PLD1: variants seen among roughly 807,000 people sequenced by gnomAD.
PLD1 encodes the protein phospholipase D1, also known as choline phosphatase 1.
A neutral mutation model predicts 137.1 loss-of-function variants in PLD1; 112 were observed. The ratio of observed to expected loss-of-function variants is 0.82; its 90% CI spans 0.70 to 0.96. The LOEUF (loss-of-function observed/expected upper bound fraction) is 0.96. Ranked by LOEUF, PLD1 falls within the 40% of genes least tolerant of loss-of-function variation. PLD1 has a pLI of 0.00. For synonymous variants in PLD1, 431 were observed against 454.7 expected (o/e 0.95, Z 0.66); for missense variants, 1,321 against 1,342.0 (o/e 0.98, Z 0.24).
chr3:171,624,492 C>T, intron 23 of PLD1, among the ~76,000 whole-genome samples: 1 of 151,988 alleles, frequency 6.6e-6, no homozygotes, highest in East Asian at 1.9e-4. Flanking sequence ...TATGTGTTTA[C>T]CTCCTGACTC....
At chr3:171,784,948 A>G (rs763896349) in intron 1 of PLD1, among the ~76,000 whole-genome samples, 12 of 152,242 alleles carry the variant, frequency 7.9e-5, no homozygotes, top group Admixed American at 1.3e-4. Flanking sequence ...AGCTAATAAC[A>G]TACAAATACA....
At chr3:171,625,735 C>A (rs1734047399) in intron 23 of PLD1, among the ~76,000 whole-genome samples, 1 of 152,198 alleles carries the variant, frequency 6.6e-6, no homozygotes, top group Admixed American at 6.5e-5. Flanking sequence ...GGTACCCAGG[C>A]AAACAGGGTC....
chr3:171,642,893 A>G lies in PLD1; in HGVS notation c.2544-4T>C. The G allele has an allele frequency of 1.3e-6, 2 of 1,554,902 alleles. No homozygotes were observed. The highest frequency in any genetic ancestry group is 1.1e-5 in the South Asian group (1 of 88,146). ...ATTTTCTCCTCTGCACATGGTTCTG[A>G]AAATATGTAAAGGAGAAAATAATTA... On this transcript the variant is annotated splice_polypyrimidine_tract_variant and splice_region_variant and intron_variant, in intron 22 of 26. Transcript: ENST00000351298.
chr3:171,654,005 C>T, intron 21 of PLD1: 1 of 290,406 alleles, frequency 3.4e-6, no homozygotes, highest in Non-Finnish European at 6.8e-6. Context: ...ATACCACCCA[C>T]TTACAGGCAA....
At chr3:171,780,771 G>A (rs1456042566) in intron 1 of PLD1, among the ~76,000 whole-genome samples, 1 of 152,102 alleles carries the variant, frequency 6.6e-6, no homozygotes, top group East Asian at 1.9e-4. Flanking sequence ...CTAAAAAGTG[G>A]GCTCAAATGA....
At position 171,686,063 on chromosome 3, in the gene PLD1, G is replaced by A. The variant is rs368918926; in HGVS notation, c.1867+622C>T. The stretch of plus-strand genomic sequence containing the variant: ...CGCTAAAACCTGGGAGGCGGAGGGT[G>A]CAGTGAGCCAAGACGGCCCTACTGC... On this transcript the variant is annotated intron_variant, in intron 16 of 26. Transcript: ENST00000351298. Among the ~76,000 whole-genome samples the A allele has an allele frequency of 3.3e-5, 5 of 149,636 alleles. No individual in the cohort carries two copies. The East Asian group carries it at 5.9e-4, about 18-fold the overall frequency.
chr3:171,754,807 T>C (rs758402213), intron 1 of PLD1, among the ~76,000 whole-genome samples: 34 of 152,224 alleles, frequency 2.2e-4, no homozygotes, highest in Non-Finnish European at 4.6e-4. Context: ...GTAGGGCTTA[T>C]GACAAAATGA....
chr3:171,641,775 C>G (rs1232521725), intron 23 of PLD1, among the ~76,000 whole-genome samples: 1 of 152,122 alleles, frequency 6.6e-6, no homozygotes, highest in Non-Finnish European at 1.5e-5. Context: ...GCACCTTTGT[C>G]TCTTGCTTGC....
intron 1 of PLD1, among the ~76,000 whole-genome samples, chr3:171,795,482 G>A (rs1047604839): frequency 3.9e-5 from 6 of 152,100 alleles, no homozygotes; most frequent in African/African-American, 1.4e-4. Context: ...TCCTTCCCTA[G>A]ATGACTGTCT....
chr3:171,711,839 A>G (rs1025411499), intron 9 of PLD1, among the ~76,000 whole-genome samples: 6 of 151,996 alleles, frequency 3.9e-5, no homozygotes, highest in African/African-American at 1.2e-4. Context: ...AAAAAAAAAA[A>G]AAATTCAGAG....
At chr3:171,729,977 C>G (rs1205359384) in intron 6 of PLD1, among the ~76,000 whole-genome samples, 1 of 152,160 alleles carries the variant, frequency 6.6e-6, no homozygotes, top group Non-Finnish European at 1.5e-5. Flanking sequence ...TGATTTACTT[C>G]AAGGTAGAGA....
intron 23 of PLD1, among the ~76,000 whole-genome samples, chr3:171,626,687 G>A (rs1359335901): frequency 1.3e-5 from 2 of 151,672 alleles, no homozygotes; most frequent in East Asian, 1.9e-4. Flanking sequence ...AAGAGAGTGG[G>A]GGCCAATATT....
chr3:171,757,846 A>T (rs1721132573), intron 1 of PLD1, among the ~76,000 whole-genome samples: 1 of 152,218 alleles, frequency 6.6e-6, no homozygotes. Context: ...TGTTCAATTC[A>T]CTGATTCAGC....
chr3:171,659,211 A>AC lies in PLD1; in HGVS notation c.2429+1dup. ...CGAGAACTCTCAGCCAAAGGCTGTT[A>AC]CCTGTGAGCTTTCAGGATCCTCTGG... On this transcript the variant is annotated splice_donor_variant, in intron 21 of 26. Coordinates refer to ENST00000351298, the MANE Select transcript of PLD1 (RefSeq NM_002662.5). LOFTEE classifies it high-confidence loss of function. The AC allele has an allele frequency of 6.3e-7, 1 of 1,598,458 alleles. No individual in the cohort carries two copies. The highest frequency in any genetic ancestry group is 2.2e-5 in the East Asian group (1 of 44,804).
intron 6 of PLD1, among the ~76,000 whole-genome samples, chr3:171,727,485 G>A (rs1168263835): frequency 6.6e-6 from 1 of 152,180 alleles, no homozygotes; most frequent in African/African-American, 2.4e-5. Flanking sequence ...TTTGCAGATC[G>A]TTTTGAAAAG....
At chr3:171,733,124 C>T (rs115422118) in intron 6 of PLD1, among the ~76,000 whole-genome samples, 5,116 of 152,200 alleles carry the variant, frequency 0.034, 312 homozygotes, top group African/African-American at 0.12. Flanking sequence ...CTAAAAAATG[C>T]TTTTTGGCAT....
chr3:171,710,981 C>T (rs1717170662), intron 9 of PLD1, among the ~76,000 whole-genome samples: 1 of 146,568 alleles, frequency 6.8e-6, no homozygotes, highest in Non-Finnish European at 1.5e-5. Flanking sequence ...TCAAGTGATT[C>T]TCCTGCCTCA....
chr3:171,672,337 C>T (rs901244042), intron 19 of PLD1, among the ~76,000 whole-genome samples: 1 of 152,182 alleles, frequency 6.6e-6, no homozygotes, highest in Non-Finnish European at 1.5e-5. Flanking sequence ...ACTTAGTAAA[C>T]ATATGTTGGC....
intron 11 of PLD1, among the ~76,000 whole-genome samples, chr3:171,708,224 C>A (rs1186455576): frequency 6.6e-6 from 1 of 152,170 alleles, no homozygotes; most frequent in African/African-American, 2.4e-5. Flanking sequence ...CTTCTGGTGA[C>A]TTTAATAAGC....
Sources: allele counts gnomAD v4.1 joint callset (sites outside exome capture counted in the v4.1 genomes callset), GRCh38; gene constraint gnomAD v4.1.1; transcripts MANE v1.5; gene names NCBI Gene and HGNC (gene_info 2026-07-23, HGNC 2026-07-21).